DNAH11: variants seen among roughly 807,000 people sequenced by gnomAD.
The protein encoded by DNAH11 is dynein axonemal heavy chain 11.
Under a neutral mutation model 526.0 loss-of-function variants are expected in DNAH11, and 442 were observed. That is an observed-to-expected ratio of 0.84 (90% CI 0.78 to 0.91). The LOEUF is 0.91. DNAH11 is among the 40% of genes least tolerant of loss of function. DNAH11 has a pLI of 0.00. For missense variants in DNAH11, 6,989 were observed against 5,448.7 expected (o/e 1.28, Z -8.90); for synonymous variants, 2,461 against 1,935.9 (o/e 1.27, Z -7.12).
intron 20 of DNAH11, among the ~76,000 whole-genome samples, chr7:21,608,842 G>GCT (rs10636710): frequency 1 from 152,331 of 152,336 alleles, 76,163 homozygotes; most frequent in Middle Eastern, 1. Flanking sequence ...GTCAGAGACT[G>GCT]TACGCTTATA....
intron 31 of DNAH11, among the ~76,000 whole-genome samples, chr7:21,682,121 T>C (rs1234770059): frequency 6.6e-6 from 1 of 152,230 alleles, no homozygotes; most frequent in African/African-American, 2.4e-5. Flanking sequence ...GTCATAATTC[T>C]AGGTTGTCAC....
In DNAH11 at chr7:21,702,731, C is replaced by A; in HGVS notation, c.6202C>A (p.Arg2068Ser). The A allele has an allele frequency of 2.5e-6, 4 of 1,613,604 alleles. No individual in the cohort carries two copies. The highest frequency in any genetic ancestry group is 3.4e-6 in the Non-Finnish European group (4 of 1,179,712). The change falls in exon 37 of 82, where the codon CGT becomes AGT. Residue 2068 changes from arginine (R) to serine (S), a missense_variant. Physicochemically the swap from Arg to Ser is moderately radical, Grantham distance 110 (BLOSUM62 -1). Coordinates refer to ENST00000409508, the MANE Select transcript of DNAH11 (RefSeq NM_001277115.2). ...TTAGGATCATTACGACTGGGGACTT[C>A]GTGCTATTAAGTCTGTCTTGGTTGT... ...SKQDHYDWGL[R>S]AIKSVLVVAG...
chr7:21,848,557 T>C (rs1012526957), intron 66 of DNAH11, among the ~76,000 whole-genome samples: 2 of 152,238 alleles, frequency 1.3e-5, no homozygotes, highest in Admixed American at 1.3e-4. Context: ...TTGGTTTTAA[T>C]TGAGCACTTT....
chr7:21,677,375 G>A (rs970054892), intron 30 of DNAH11, among the ~76,000 whole-genome samples: 2 of 151,872 alleles, frequency 1.3e-5, no homozygotes, highest in Non-Finnish European at 2.9e-5. Flanking sequence ...AGTGATCTGT[G>A]ATCAGTAATC....
Position 21,787,506 on chromosome 7 carries a change from C to T in DNAH11, c.9847C>T (p.Pro3283Ser), listed in dbSNP as rs774892385. 1 of 1,613,776 alleles carries T rather than the reference C, an allele frequency of 6.2e-7. No homozygotes were observed. The highest frequency in any genetic ancestry group is 8.5e-7 in the Non-Finnish European group (1 of 1,179,766). Residue 3283 changes from proline to serine, a missense_variant, in exon 60 of 82, where the codon CCA becomes TCA. By Grantham distance (74) the Pro-to-Ser change is moderately conservative. Coordinates refer to ENST00000409508, the MANE Select transcript of DNAH11 (RefSeq NM_001277115.2). Reference sequence around the variant, plus strand: ...CTATTTGAAAGACCCAGAGTTTAATCCAAACCTGATTCGAACCAAATCTTT... The same window carrying T: ...CTATTTGAAAGACCCAGAGTTTAATTCAAACCTGATTCGAACCAAATCTTT... ...EHYLKDPEFN[P>S]NLIRTKSFAA... is the part of the protein sequence containing the mutation.
chr7:21,818,838 A>G (rs1044609806), intron 65 of DNAH11, among the ~76,000 whole-genome samples: 1 of 152,162 alleles, frequency 6.6e-6, no homozygotes, highest in Non-Finnish European at 1.5e-5. Flanking sequence ...GGTCCCTGAA[A>G]TCATCCCTTA....
chr7:21,873,167 C>A, intron 73 of DNAH11, 107 bp from the exon 74 acceptor site: 2 of 1,003,236 alleles, frequency 2.0e-6, no homozygotes, highest in Non-Finnish European at 1.5e-6. Flanking sequence ...AAATTTGAAT[C>A]ATGGTTCTCT....
chr7:21,613,543 C>G (rs1454984605), intron 20 of DNAH11, among the ~76,000 whole-genome samples: 3 of 152,118 alleles, frequency 2.0e-5, no homozygotes, highest in African/African-American at 7.2e-5. Context: ...TGCTAATACT[C>G]TTCTTTACAT....
Position 21,561,083 on chromosome 7 carries a change from G to A in DNAH11, c.895G>A (p.Val299Ile), listed in dbSNP as rs1483801910. Residue 299 changes from valine (V) to isoleucine (I), a missense_variant, in exon 5 of 82, where the codon GTT becomes ATT. Val to Ile is a conservative substitution (Grantham distance 29). Coordinates refer to ENST00000409508, the MANE Select transcript of DNAH11 (RefSeq NM_001277115.2). ...SCIYDQLQAP[V>I]VLKMVKILTT... ...TCCTTTAACTTAGCTTCAGGCACCT[G>A]TTGTCCTCAAAATGGTTAAGATCCT... 2 of 1,597,896 alleles carry A rather than the reference G, an allele frequency of 1.3e-6. No individual in the cohort carries two copies. Among genetic ancestry groups the A allele is most frequent in the African/African-American group, 1.3e-5 (1 of 74,612 alleles).
chr7:21,596,249 AAAG>A (rs1348252339), intron 14 of DNAH11, among the ~76,000 whole-genome samples: 8 of 152,314 alleles, frequency 5.3e-5, no homozygotes, highest in African/African-American at 1.4e-4. Context: ...TCCTGAAATG[AAAG>A]AAGTTTATTC....
intron 66 of DNAH11, among the ~76,000 whole-genome samples, chr7:21,849,446 T>C (rs1782540817): frequency 6.6e-6 from 1 of 152,228 alleles, no homozygotes; most frequent in Non-Finnish European, 1.5e-5. Flanking sequence ...TTCTGACCTA[T>C]ATCATTTTTC....
intron 20 of DNAH11, among the ~76,000 whole-genome samples, chr7:21,608,717 G>A (rs559683776): frequency 3.3e-5 from 5 of 152,148 alleles, no homozygotes; most frequent in Non-Finnish European, 5.9e-5. Flanking sequence ...TGTGGATGGG[G>A]AAACGTTTTT....
At chr7:21,617,186 G>C (rs1785820120) in intron 22 of DNAH11, among the ~76,000 whole-genome samples, 1 of 152,170 alleles carries the variant, frequency 6.6e-6, no homozygotes, top group Non-Finnish European at 1.5e-5. Context: ...GAAATATTTA[G>C]GTTTCAAGAA....
At chr7:21,895,099 G>A in intron 79 of DNAH11, 100 bp downstream of exon 79, 3 of 975,908 alleles carry the variant, frequency 3.1e-6, no homozygotes, top group South Asian at 1.5e-5. Flanking sequence ...ACGGAGCTTT[G>A]TGACTGTTCT....
chr7:21,673,798 T>G (rs1400643675), intron 30 of DNAH11, among the ~76,000 whole-genome samples: 1 of 152,216 alleles, frequency 6.6e-6, no homozygotes, highest in Non-Finnish European at 1.5e-5. Context: ...CTCTTTCCTT[T>G]TTCTCATCAC....
At chr7:21,792,249 C>T (rs1788507309) in intron 61 of DNAH11, among the ~76,000 whole-genome samples, 1 of 152,060 alleles carries the variant, frequency 6.6e-6, no homozygotes, top group Non-Finnish European at 1.5e-5. Flanking sequence ...GTTCTTGTAT[C>T]CCTGGGTTGA....
chr7:21,645,113 T>G (rs763628308), intron 28 of DNAH11, among the ~76,000 whole-genome samples: 1 of 152,240 alleles, frequency 6.6e-6, no homozygotes, highest in Non-Finnish European at 1.5e-5. Flanking sequence ...AAGTAAAATA[T>G]CACTTCAATG....
At chr7:21,597,149 A>G (rs373822693) in intron 14 of DNAH11, among the ~76,000 whole-genome samples, 1 of 152,240 alleles carries the variant, frequency 6.6e-6, no homozygotes, top group African/African-American at 2.4e-5. Flanking sequence ...GTGATCATTC[A>G]GTTATCTAAA....
At chr7:21,571,470 G>A (rs1009000783) in intron 7 of DNAH11, among the ~76,000 whole-genome samples, 1 of 151,994 alleles carries the variant, frequency 6.6e-6, no homozygotes, top group Non-Finnish European at 1.5e-5. Context: ...CATAGAGACA[G>A]GATCTTTCCT....
Sources: allele counts gnomAD v4.1 joint callset (sites outside exome capture counted in the v4.1 genomes callset), GRCh38; gene constraint gnomAD v4.1.1; transcripts MANE v1.5; gene names NCBI Gene and HGNC (gene_info 2026-07-23, HGNC 2026-07-21).